The following DPF3 variants were observed in gnomAD, a reference collection of about 807,000 sequenced individuals.
DPF3 encodes zinc finger protein DPF3.
In DPF3, 18 loss-of-function variants were observed where a neutral mutation model predicts 56.8. The observed-to-expected ratio is 0.32, with a 90% CI of 0.22 to 0.47. The LOEUF (loss-of-function observed/expected upper bound fraction) is 0.47. DPF3 is among the 20% of genes least tolerant of loss of function. The probability of loss-of-function intolerance (pLI) is 1.00; values close to 1 mark genes in which losing one functional copy is unlikely to be tolerated. For missense variants in DPF3, 403 were observed against 488.8 expected (o/e 0.82, Z 1.65); for synonymous variants, 188 against 180.2 (o/e 1.04, Z -0.35).
intron 3 of DPF3, among the ~76,000 whole-genome samples, chr14:72,732,875 C>CTCTT (rs551662646): frequency 2.7e-5 from 4 of 150,922 alleles, no homozygotes; most frequent in Non-Finnish European, 4.4e-5. Context: ...TTTCCATTCT[C>CTCTT]TCTTTCTTTC....
intron 3 of DPF3, among the ~76,000 whole-genome samples, chr14:72,746,590 C>T (rs1261987469): frequency 6.6e-6 from 1 of 152,278 alleles, no homozygotes; most frequent in African/African-American, 2.4e-5. Context: ...CCCGGCTGTT[C>T]ATTGCTTCTC....
chr14:72,640,505 A>C (rs896634267), intron 8 of DPF3, among the ~76,000 whole-genome samples: 2 of 152,212 alleles, frequency 1.3e-5, no homozygotes, highest in Non-Finnish European at 2.9e-5. Context: ...TCTGGAGCTT[A>C]CACTGTAATG....
chr14:72,685,575 C>T (rs923009916), intron 7 of DPF3, among the ~76,000 whole-genome samples: 1 of 152,204 alleles, frequency 6.6e-6, no homozygotes, highest in Non-Finnish European at 1.5e-5. Context: ...ATAAGTGGTA[C>T]ATGACTCATG....
chr14:72,882,532 G>T (rs1886360548), intron 1 of DPF3, among the ~76,000 whole-genome samples: 1 of 152,200 alleles, frequency 6.6e-6, no homozygotes, highest in African/African-American at 2.4e-5. Flanking sequence ...GAAGGGGAGT[G>T]TGTGCATGGG....
intron 2 of DPF3, among the ~76,000 whole-genome samples, chr14:72,761,510 A>G (rs979932119): frequency 6.6e-6 from 1 of 152,022 alleles, no homozygotes; most frequent in Non-Finnish European, 1.5e-5. Context: ...AATATTTTGA[A>G]CTGAATGAAA....
chr14:72,718,769 C>A (rs372834369), intron 5 of DPF3, among the ~76,000 whole-genome samples: 3 of 14,750 alleles, frequency 2.0e-4, no homozygotes, highest in Admixed American at 1.7e-3. Flanking sequence ...TACACCCTTG[C>A]TATTTTTTTT....
intron 5 of DPF3, among the ~76,000 whole-genome samples, chr14:72,716,385 G>A (rs1246334106): frequency 6.6e-6 from 1 of 152,096 alleles, no homozygotes; most frequent in East Asian, 1.9e-4. Context: ...TCTTCCTGAG[G>A]CAGCAGCACT....
intron 6 of DPF3, among the ~76,000 whole-genome samples, chr14:72,698,870 G>A (rs1486268694): frequency 0.029 from 2 of 68 alleles, no homozygotes; most frequent in Non-Finnish European, 0.043. Flanking sequence ...CAGGTCCTGT[G>A]TATCCGCAGT....
chr14:72,707,865 G>A (rs1049227763), intron 6 of DPF3, among the ~76,000 whole-genome samples: 2 of 150,842 alleles, frequency 1.3e-5, no homozygotes, highest in African/African-American at 4.9e-5. Flanking sequence ...GGAGTGCAAT[G>A]GCGCAAGCTC....
chr14:72,625,090 T>C (rs760946483), intron 9 of DPF3, among the ~76,000 whole-genome samples: 4 of 152,278 alleles, frequency 2.6e-5, no homozygotes, highest in Non-Finnish European at 5.9e-5. Flanking sequence ...AATAGGATAT[T>C]TGAGATTATG....
rs898545837 is a variant in DPF3 at position 72,671,429 on chromosome 14, A to G, written c.871+2811T>C. ...TTACATTATTACAATGCTATTCTTA[A>G]TAGCAAGATATAAAACCATTTGCAC... On this transcript the variant is annotated intron_variant, in intron 8 of 10. Transcript: ENST00000556509. 6 of 1,529,670 alleles carry G rather than the reference A, an allele frequency of 3.9e-6. No homozygotes were observed. In the African/African-American group the frequency reaches 8.2e-5, roughly 21 times the overall value. 94.8% of individuals were successfully genotyped at this position (1,529,670 alleles called of 1,614,324 possible).
At chr14:72,773,700 A>G (rs548086752) in intron 1 of DPF3, 13 of 398,640 alleles carry the variant, frequency 3.3e-5, no homozygotes, top group Admixed American at 5.8e-5. Flanking sequence ...AGTACTTCAT[A>G]AAAGTGGAGT....
rs750339317 is a variant in DPF3 at position 72,731,789 on chromosome 14, C to T, written c.429+18G>A. ...TGACAGGAACACTCTGTGGGGTCCC[C>T]AGCAGGTGTGGGAATACCTGTATTT... On this transcript the variant is annotated intron_variant, in intron 4 of 10. Transcript: ENST00000556509. The T allele has an allele frequency of 1.9e-6, 3 of 1,612,920 alleles. No individual in the cohort carries two copies. In the Admixed American group the frequency reaches 5.0e-5, roughly 27 times the overall value.
chr14:72,760,477 T>C (rs1891024958), intron 2 of DPF3, among the ~76,000 whole-genome samples: 2 of 152,178 alleles, frequency 1.3e-5, no homozygotes, highest in Admixed American at 6.5e-5. Context: ...CTTAATCCTG[T>C]CTTCGAAGTC....
chr14:72,757,067 GAGGAAGGA>G (rs112770433), intron 2 of DPF3, among the ~76,000 whole-genome samples: 12 of 114,984 alleles, frequency 1.0e-4, no homozygotes, highest in South Asian at 3.7e-4. Context: ...GAAAGGGGGA[GAGGAAGGA>G]AGGAAGGAAG....
chr14:72,866,132 C>T (rs1050997475), intron 1 of DPF3, among the ~76,000 whole-genome samples: 2 of 152,106 alleles, frequency 1.3e-5, no homozygotes, highest in African/African-American at 2.4e-5. Flanking sequence ...ATGGGCTTGC[C>T]GGCTTGTTGA....
chr14:72,670,267 T>C (rs1886611834), intron 8 of DPF3: 2 of 985,814 alleles, frequency 2.0e-6, no homozygotes, highest in African/African-American at 3.5e-5. Context: ...GCCCATGACG[T>C]TCTGCTTATA....
intron 6 of DPF3, among the ~76,000 whole-genome samples, chr14:72,711,224 C>T (rs1309087744): frequency 6.6e-6 from 1 of 152,164 alleles, no homozygotes; most frequent in Non-Finnish European, 1.5e-5. Context: ...ATGCAAATCA[C>T]ACCATAGATG....
chr14:72,851,773 C>T (rs890893633), intron 1 of DPF3, among the ~76,000 whole-genome samples: 1 of 152,196 alleles, frequency 6.6e-6, no homozygotes, highest in Non-Finnish European at 1.5e-5. Flanking sequence ...AGGATCTGTT[C>T]CTCCCCGTGT....
Sources: gnomAD v4.1 joint callset for allele counts (sites outside exome capture counted in the v4.1 genomes callset) on GRCh38, gnomAD v4.1.1 for gene constraint, MANE v1.5 for transcripts, NCBI Gene and HGNC (gene_info 2026-07-23, HGNC 2026-07-21) for gene names.